The following PTPN5 variants were observed in gnomAD, a reference collection of about 807,000 sequenced individuals.
The protein encoded by PTPN5 is protein tyrosine phosphatase non-receptor type 5, also known as tyrosine-protein phosphatase non-receptor type 5.
A neutral mutation model predicts 73.9 loss-of-function variants in PTPN5; 29 were observed. The ratio of observed to expected loss-of-function variants is 0.39; its 90% CI spans 0.29 to 0.54. The LOEUF (loss-of-function observed/expected upper bound fraction) is 0.54, where lower values mean the gene tolerates loss of function less well. Ranked by LOEUF, PTPN5 falls within the 20% of genes least tolerant of loss-of-function variation. PTPN5 has a pLI of 0.65. For synonymous variants in PTPN5, 267 were observed against 304.7 expected (o/e 0.88, Z 1.29); for missense variants, 652 against 751.4 (o/e 0.87, Z 1.55).
At chr11:18,752,599 T>C (rs1328468148) in intron 3 of PTPN5, among the ~76,000 whole-genome samples, 1 of 152,238 alleles carries the variant, frequency 6.6e-6, no homozygotes, top group Admixed American at 6.5e-5. Context: ...ACAACTCAAG[T>C]ACTCTTTGGA....
At chr11:18,792,015 G>C (rs1008550138), upstream of PTPN5, 2 of 152,314 alleles carry the variant, frequency 1.3e-5, no homozygotes, top group Admixed American at 6.5e-5. Flanking sequence ...TCTGCGCGGA[G>C]TCTCCGCAGT....
intron 1 of PTPN5, among the ~76,000 whole-genome samples, chr11:18,782,298 G>A (rs1851472275): frequency 1.3e-5 from 2 of 151,992 alleles, no homozygotes; most frequent in African/African-American, 2.4e-5. Context: ...CATGATCTTG[G>A]CTCACTGCAA....
intron 1 of PTPN5, among the ~76,000 whole-genome samples, chr11:18,783,567 A>C (rs545865433): frequency 3.9e-5 from 6 of 152,322 alleles, no homozygotes; most frequent in African/African-American, 1.4e-4. Context: ...AGAGTTACTC[A>C]AGCTCTCTGT....
At chr11:18,749,712 T>G (rs1849798816) in intron 3 of PTPN5, among the ~76,000 whole-genome samples, 1 of 152,210 alleles carries the variant, frequency 6.6e-6, no homozygotes, top group Admixed American at 6.5e-5. Context: ...GGAAACGCTA[T>G]GATCCCTCTC....
At chr11:18,791,060 G>A (rs1851897426) in intron 1 of PTPN5, among the ~76,000 whole-genome samples, 1 of 152,184 alleles carries the variant, frequency 6.6e-6, no homozygotes, top group Non-Finnish European at 1.5e-5. Context: ...AGGGTGGGAC[G>A]CGGGAGGCTA....
chr11:18,730,212 T>C (rs2134184545), intron 12 of PTPN5: 1 of 399,738 alleles, frequency 2.5e-6, no homozygotes, highest in Non-Finnish European at 4.4e-6. Context: ...GTGCCTCGCC[T>C]GCGCCTGCGT....
chr11:18,788,477 C>CA (rs1461486243), intron 1 of PTPN5, among the ~76,000 whole-genome samples: 1 of 152,178 alleles, frequency 6.6e-6, no homozygotes, highest in African/African-American at 2.4e-5. Flanking sequence ...AACTGCTTTC[C>CA]AGTTTCTGTA....
intron 8 of PTPN5, 88 bp downstream of exon 8, chr11:18,740,515 G>T: frequency 1.1e-5 from 13 of 1,237,616 alleles, no homozygotes; most frequent in Non-Finnish European, 1.3e-5. Context: ...CAGATGCTGA[G>T]TTCCAGGCAC....
intron 3 of PTPN5, among the ~76,000 whole-genome samples, chr11:18,752,443 G>A (rs1457028830): frequency 9.2e-5 from 14 of 152,160 alleles, no homozygotes; most frequent in Non-Finnish European, 2.9e-5. Flanking sequence ...GACAATGGGT[G>A]CCCCACCTGG....
At chr11:18,767,415 A>G (rs1252041153) in intron 2 of PTPN5, among the ~76,000 whole-genome samples, 2 of 152,220 alleles carry the variant, frequency 1.3e-5, no homozygotes, top group African/African-American at 4.8e-5. Context: ...CCTTCAAGGT[A>G]ACTTTAAGTG....
chr11:18,777,102 A>G (rs750719410), intron 1 of PTPN5, among the ~76,000 whole-genome samples: 17 of 152,248 alleles, frequency 1.1e-4, no homozygotes, highest in Non-Finnish European at 2.1e-4. Flanking sequence ...CGGAAGTTGC[A>G]GTGAGCCAAG....
At chr11:18,777,454 C>T (rs150076896) in intron 1 of PTPN5, among the ~76,000 whole-genome samples, 24 of 152,250 alleles carry the variant, frequency 1.6e-4, no homozygotes, top group African/African-American at 5.5e-4. Context: ...TAACTGTCAT[C>T]ATCTTGTGTT....
chr11:18,773,395 T>C (rs1217958108), intron 1 of PTPN5, among the ~76,000 whole-genome samples: 1 of 152,064 alleles, frequency 6.6e-6, no homozygotes, highest in Non-Finnish European at 1.5e-5. Context: ...GACTGGTGCC[T>C]GGTGTGTGGG....
At chr11:18,786,241 C>T (rs1168471888) in intron 1 of PTPN5, among the ~76,000 whole-genome samples, 6 of 151,542 alleles carry the variant, frequency 4.0e-5, no homozygotes, top group East Asian at 1.9e-4. Context: ...CTCGCTCTTT[C>T]GCCCAGGCTG....
rs568429840 is a variant in PTPN5, at chr11:18,743,441, G to A, written c.292-12C>T. On this transcript the variant is annotated splice_polypyrimidine_tract_variant and intron_variant, in intron 4 of 14. Transcript: ENST00000358540. ...ACCCCACAGGCAAGCTGGGGCACAG[G>A]GGAGCAGGCTGAGTATGGAGCCGGC... 2.5e-6 allele frequency: 4 copies of A among 1,612,760 alleles called. No homozygotes were observed. In the South Asian group the frequency reaches 4.4e-5, roughly 18 times the overall value.
rs556545678 is a variant in PTPN5 at position 18,784,037 on chromosome 11, T to C, written c.-114+7488A>G. Among the ~76,000 whole-genome samples the C allele has an allele frequency of 4.6e-5, 7 of 152,282 alleles. No individual in the cohort carries two copies. The South Asian group carries it at 1.5e-3, about 32-fold the overall frequency. On this transcript the variant is annotated intron_variant, in intron 1 of 14. Coordinates refer to ENST00000358540, the MANE Select transcript of PTPN5 (RefSeq NM_006906.2). ...TTAAATTAACAGCTTCTTCCTGGAC[T>C]CTCTATTCCTAAGACTTCACTCAGT...
chr11:18,757,021 T>C (rs1850187926), intron 3 of PTPN5, among the ~76,000 whole-genome samples: 1 of 151,886 alleles, frequency 6.6e-6, no homozygotes, highest in African/African-American at 2.4e-5. Context: ...TTTTCATATG[T>C]GTGTGTGTGA....
intron 3 of PTPN5, among the ~76,000 whole-genome samples, chr11:18,752,781 A>G (rs182975602): frequency 6.6e-6 from 1 of 152,366 alleles, no homozygotes; most frequent in East Asian, 1.9e-4. Flanking sequence ...GCTGAGAACT[A>G]AAAGAGCTGA....
Position 18,729,603 on chromosome 11 carries a change from G to A in PTPN5, c.1491-37C>T. ...GGGGACCGGTGGGGTGAGGGGCAGG[G>A]CAGCCCAGCGGGTGGGGGGCTGCCC... is the stretch of plus-strand genomic sequence containing the variant. On this transcript the variant is annotated intron_variant, in intron 13 of 14. Coordinates refer to ENST00000358540, the MANE Select transcript of PTPN5 (RefSeq NM_006906.2). This position sits in a 1 kb window ranked among gnomAD's most constrained non-coding sequence, Gnocchi z 5.2. The A allele has an allele frequency of 2.6e-6, 4 of 1,567,244 alleles. No individual in the cohort carries two copies. Among genetic ancestry groups the A allele is most frequent in the Non-Finnish European group, 2.6e-6 (3 of 1,153,852 alleles).
Sources: allele counts gnomAD v4.1 joint callset (sites outside exome capture counted in the v4.1 genomes callset), GRCh38; gene constraint gnomAD v4.1.1; non-coding constraint Gnocchi (gnomAD v3.1); transcripts MANE v1.5; gene names NCBI Gene and HGNC (gene_info 2026-07-23, HGNC 2026-07-21).